Variants in IGF2BP2 observed in about 807,000 individuals in gnomAD.
The protein encoded by IGF2BP2 is insulin-like growth factor 2 mRNA-binding protein 2.
In IGF2BP2, 17 loss-of-function variants were observed where a neutral mutation model predicts 75.8. That is an observed-to-expected ratio of 0.22 (90% CI 0.15 to 0.34). The LOEUF (loss-of-function observed/expected upper bound fraction) is 0.34, where lower values mean the gene tolerates loss of function less well. IGF2BP2 is among the 10% of genes least tolerant of loss of function. The probability of loss-of-function intolerance (pLI) is 1.00; values close to 1 mark genes in which losing one functional copy is unlikely to be tolerated. For synonymous variants in IGF2BP2, 288 were observed against 295.6 expected (o/e 0.97, Z 0.26); for missense variants, 516 against 772.4 (o/e 0.67, Z 3.93).
intron 10 of IGF2BP2, among the ~76,000 whole-genome samples, chr3:185,661,436 A>G (rs1716415624): frequency 6.6e-6 from 1 of 152,120 alleles, no homozygotes; most frequent in African/African-American, 2.4e-5. Context: ...CAGCAGTTCA[A>G]GACCAGCCTG....
At chr3:185,786,951 C>A (rs1011761690) in intron 2 of IGF2BP2, among the ~76,000 whole-genome samples, 2 of 152,094 alleles carry the variant, frequency 1.3e-5, no homozygotes, top group Non-Finnish European at 2.9e-5. Context: ...CACAACCTTT[C>A]GAAATGTAAA....
chr3:185,718,493 G>A (rs1381394383), intron 2 of IGF2BP2, among the ~76,000 whole-genome samples: 3 of 151,856 alleles, frequency 2.0e-5, no homozygotes, highest in Non-Finnish European at 2.9e-5. Context: ...TGAGACCATC[G>A]TGGCTAACAT....
chr3:185,671,579 A>C (rs2149211105), intron 10 of IGF2BP2, among the ~76,000 whole-genome samples: 1 of 151,810 alleles, frequency 6.6e-6, no homozygotes, highest in East Asian at 1.9e-4. Flanking sequence ...GATTCAGAAG[A>C]GCCATATATA....
intron 2 of IGF2BP2, among the ~76,000 whole-genome samples, chr3:185,738,297 C>A (rs1170709939): frequency 6.6e-6 from 1 of 152,084 alleles, no homozygotes; most frequent in Non-Finnish European, 1.5e-5. Flanking sequence ...ATGAAATAGT[C>A]CCAGATCCTG....
chr3:185,668,129 C>T (rs537206165), intron 10 of IGF2BP2, among the ~76,000 whole-genome samples: 22 of 152,220 alleles, frequency 1.4e-4, no homozygotes, highest in African/African-American at 5.1e-4. Flanking sequence ...TTCATTTTGA[C>T]ATTGTCTATA....
chr3:185,777,198 A>G (rs1365101613), intron 2 of IGF2BP2, among the ~76,000 whole-genome samples: 1 of 152,220 alleles, frequency 6.6e-6, no homozygotes, highest in Non-Finnish European at 1.5e-5. Flanking sequence ...TGTGTAACAA[A>G]ACCAATTTTA....
At chr3:185,777,311 A>G (rs760900278) in intron 2 of IGF2BP2, among the ~76,000 whole-genome samples, 35 of 152,222 alleles carry the variant, frequency 2.3e-4, no homozygotes, top group Non-Finnish European at 4.3e-4. Flanking sequence ...CTCTAAAAAA[A>G]TAAAAGATTA....
chr3:185,750,401 A>G (rs1289379455), intron 2 of IGF2BP2, among the ~76,000 whole-genome samples: 2 of 152,220 alleles, frequency 1.3e-5, no homozygotes, highest in African/African-American at 4.8e-5. Context: ...AAACTCCCCT[A>G]GCCTAGGAAC....
intron 2 of IGF2BP2, chr3:185,716,511 A>G (rs760506657): frequency 1.9e-6 from 1 of 520,064 alleles, no homozygotes; most frequent in Non-Finnish European, 3.8e-6. Flanking sequence ...GCTTTTGGGG[A>G]AGTGGGCTGC....
intron 10 of IGF2BP2, among the ~76,000 whole-genome samples, chr3:185,660,089 G>A (rs1474094419): frequency 1.3e-5 from 2 of 152,292 alleles, no homozygotes; most frequent in African/African-American, 4.8e-5. Flanking sequence ...GAACCACCGC[G>A]CCCGGTCTGA....
intron 2 of IGF2BP2, among the ~76,000 whole-genome samples, chr3:185,778,662 A>G (rs1734832427): frequency 6.6e-6 from 1 of 152,218 alleles, no homozygotes; most frequent in Non-Finnish European, 1.5e-5. Context: ...ACCTGGTTCT[A>G]CAGGACTAGC....
At chr3:185,803,958 TACTA>T (rs1210814482) in intron 2 of IGF2BP2, among the ~76,000 whole-genome samples, 11 of 152,074 alleles carry the variant, frequency 7.2e-5, no homozygotes, top group Admixed American at 2.6e-4. Flanking sequence ...ACCCTATCTC[TACTA>T]AAAGTACAAA....
intron 7 of IGF2BP2, among the ~76,000 whole-genome samples, chr3:185,677,058 T>G (rs1433042188): frequency 1.7e-3 from 90 of 54,514 alleles, no homozygotes; most frequent in African/African-American, 6.3e-3. Flanking sequence ...TATATATATA[T>G]ATATATATAT....
intron 2 of IGF2BP2, among the ~76,000 whole-genome samples, chr3:185,784,980 G>A (rs1355347766): frequency 6.6e-6 from 1 of 152,148 alleles, no homozygotes; most frequent in Non-Finnish European, 1.5e-5. Context: ...GGAAAATAAT[G>A]AAATGCCTGT....
rs569250866 is a variant in IGF2BP2, at chr3:185,645,712, T to G, written c.1708-89A>C. ...AAACGGCAGGGGAGGCTCTGGGGCT[T>G]GGGGATGAAGGGTGGAATGCTCAGA... On this transcript the variant is annotated intron_variant, in intron 15 of 15. Coordinates refer to ENST00000382199, the MANE Select transcript of IGF2BP2 (RefSeq NM_006548.6). This position sits in a 1 kb window ranked among gnomAD's most constrained non-coding sequence, Gnocchi z 4.9. 2.4e-5 allele frequency: 22 copies of G among 930,754 alleles called. No individual in the cohort carries two copies. In the South Asian group the frequency reaches 2.8e-4, roughly 12 times the overall value. The allele number at this position is 930,754 out of a possible 1,614,324, so 57.7% of individuals were successfully genotyped here. A position where few individuals can be genotyped will look rare whatever the true frequency, so the allele number is the denominator to read the frequency against.
At chr3:185,656,623 C>T (rs1432119017) in intron 12 of IGF2BP2, among the ~76,000 whole-genome samples, 4 of 152,180 alleles carry the variant, frequency 2.6e-5, no homozygotes, top group Admixed American at 1.3e-4. Context: ...GCATTCTGCC[C>T]GTGAGTCAGA....
At chr3:185,783,215 A>C (rs1735430324) in intron 2 of IGF2BP2, among the ~76,000 whole-genome samples, 1 of 152,186 alleles carries the variant, frequency 6.6e-6, no homozygotes, top group Non-Finnish European at 1.5e-5. Context: ...ATAAAAGTAA[A>C]TGTGCCCCTC....
intron 2 of IGF2BP2, among the ~76,000 whole-genome samples, chr3:185,722,868 T>C (rs1289627540): frequency 1.3e-5 from 2 of 152,244 alleles, no homozygotes; most frequent in African/African-American, 2.4e-5. Flanking sequence ...AAATGATACA[T>C]AATTATGTAA....
chr3:185,649,314 A>G, intron 14 of IGF2BP2, 89 bp downstream of exon 14: 1 of 1,521,810 alleles, frequency 6.6e-7, no homozygotes, highest in Non-Finnish European at 8.9e-7. Flanking sequence ...ATTGGGACAG[A>G]AGGCGCCAAG....
Sources: allele counts gnomAD v4.1 joint callset (sites outside exome capture counted in the v4.1 genomes callset), GRCh38; gene constraint gnomAD v4.1.1; non-coding constraint Gnocchi (gnomAD v3.1); transcripts MANE v1.5; gene names NCBI Gene and HGNC (gene_info 2026-07-23, HGNC 2026-07-21).